PPP3CC: variants seen among roughly 807,000 people sequenced by gnomAD.
The protein encoded by PPP3CC is protein phosphatase 3 catalytic subunit gamma.
In PPP3CC, 35 loss-of-function variants were observed where a neutral mutation model predicts 60.3. The observed-to-expected ratio is 0.58, with a 90% CI of 0.44 to 0.77. The LOEUF is 0.77. PPP3CC is among the 30% of genes least tolerant of loss of function. The probability of loss-of-function intolerance (pLI) is 0.00; values close to 1 mark genes in which losing one functional copy is unlikely to be tolerated. For missense variants in PPP3CC, 570 were observed against 628.9 expected (o/e 0.91, Z 1.00); for synonymous variants, 206 against 224.3 (o/e 0.92, Z 0.73).
intron 3 of PPP3CC, among the ~76,000 whole-genome samples, chr8:22,488,416 C>T (rs1838287677): frequency 6.6e-6 from 1 of 152,186 alleles, no homozygotes; most frequent in Non-Finnish European, 1.5e-5. Context: ...TTTAGATGCA[C>T]TCATAATTAC....
chr8:22,484,301 A>T (rs1838159318), intron 3 of PPP3CC, among the ~76,000 whole-genome samples: 1 of 152,162 alleles, frequency 6.6e-6, no homozygotes, highest in Non-Finnish European at 1.5e-5. Context: ...CTGGCTGACT[A>T]TATGAGATTT....
intron 3 of PPP3CC, among the ~76,000 whole-genome samples, chr8:22,495,275 A>G (rs1353391088): frequency 6.6e-6 from 1 of 152,094 alleles, no homozygotes; most frequent in Non-Finnish European, 1.5e-5. Context: ...ATCTAAAAAT[A>G]TATCTTGGAA....
Position 22,522,644 on chromosome 8 carries a change from C to A in PPP3CC, c.849-11C>A. ...AATATGCAGACAGATGGACTTTCAT[C>A]TCTTTTTCAGGTATCGAATGTACAG... On this transcript the variant is annotated splice_polypyrimidine_tract_variant and intron_variant, in intron 7 of 13. Transcript: ENST00000240139. 6.3e-7 allele frequency: 1 copy of A among 1,596,472 alleles called. No homozygotes were observed. The highest frequency in any genetic ancestry group is 8.6e-7 in the Non-Finnish European group (1 of 1,166,670).
chr8:22,538,558 C>T (rs1839894162), intron 12 of PPP3CC, among the ~76,000 whole-genome samples: 1 of 152,146 alleles, frequency 6.6e-6, no homozygotes, highest in African/African-American at 2.4e-5. Flanking sequence ...GCTCATTATT[C>T]TTCACTGCCT....
rs369935824 is a variant in PPP3CC, at chr8:22,445,618, A to G, written c.49+4160A>G. On this transcript the variant is annotated intron_variant, in intron 1 of 13. Transcript: ENST00000240139. Reference sequence around the variant, plus strand: ...ATTGTAATTTTACCTAAATATTTCCATAATGGTTTCAATCAGCATGGAAAT... The same window carrying G: ...ATTGTAATTTTACCTAAATATTTCCGTAATGGTTTCAATCAGCATGGAAAT... Among the ~76,000 whole-genome samples, 12 of 152,336 alleles carry G rather than the reference A, an allele frequency of 7.9e-5. No homozygotes were observed. The Middle Eastern group carries it at 0.01, about 130-fold the overall frequency.
chr8:22,532,845 C>T, intron 11 of PPP3CC, 76 bp from the exon 12 acceptor site: 1 of 1,015,276 alleles, frequency 9.8e-7, no homozygotes, highest in Non-Finnish European at 1.4e-6. Context: ...TGTCTTTCTT[C>T]ACTTCCTTCA....
At chr8:22,529,963 C>G (rs1167386612) in intron 10 of PPP3CC, among the ~76,000 whole-genome samples, 1 of 152,190 alleles carries the variant, frequency 6.6e-6, no homozygotes, top group African/African-American at 2.4e-5. Context: ...CATCCAAGCA[C>G]AAACCGGCCT....
intron 6 of PPP3CC, among the ~76,000 whole-genome samples, chr8:22,519,013 A>G (rs1341464016): frequency 1.3e-5 from 2 of 151,918 alleles, no homozygotes; most frequent in African/African-American, 2.4e-5. Flanking sequence ...ATTACTGTCA[A>G]TGTTTGCCTT....
chr8:22,441,370 T>G lies in PPP3CC; in HGVS notation c.-40T>G, dbSNP rs574371990. 13 of 1,515,342 alleles carry G rather than the reference T, an allele frequency of 8.6e-6. No individual in the cohort carries two copies. The highest frequency in any genetic ancestry group is 1.8e-4 in the Middle Eastern group (1 of 5,562). 93.9% of individuals were successfully genotyped at this position (1,515,342 alleles called of 1,614,324 possible). On this transcript the variant is annotated 5_prime_UTR_variant, in exon 1 of 14. Transcript: ENST00000240139. ...GCGGCGGCCGCGGCGTAGGCGCACG[T>G]CCGGCGGGCTCCTGGAGCCTGGAGG... is the stretch of plus-strand genomic sequence containing the variant.
chr8:22,510,265 A>G (rs1839048175), intron 4 of PPP3CC, among the ~76,000 whole-genome samples: 1 of 151,510 alleles, frequency 6.6e-6, no homozygotes, highest in African/African-American at 2.4e-5. Flanking sequence ...CCCCGACCTC[A>G]GCCTTCCAAA....
intron 5 of PPP3CC, among the ~76,000 whole-genome samples, chr8:22,511,824 G>A (rs1173221222): frequency 3.3e-5 from 5 of 152,154 alleles, no homozygotes; most frequent in African/African-American, 1.2e-4. Flanking sequence ...AAGGAAACCA[G>A]GGTTCTAATC....
intron 3 of PPP3CC, among the ~76,000 whole-genome samples, chr8:22,475,962 T>A (rs1283831652): frequency 6.6e-6 from 1 of 152,210 alleles, no homozygotes; most frequent in Admixed American, 6.5e-5. Flanking sequence ...TTAGCTGACC[T>A]TAATTATAAG....
intron 10 of PPP3CC, among the ~76,000 whole-genome samples, chr8:22,530,585 C>T (rs1468945482): frequency 6.6e-6 from 1 of 151,592 alleles, no homozygotes; most frequent in Non-Finnish European, 1.5e-5. Context: ...GTAATCTCAG[C>T]ACTTTGGGAG....
At chr8:22,443,173 T>C (rs981150918) in intron 1 of PPP3CC, among the ~76,000 whole-genome samples, 2 of 152,178 alleles carry the variant, frequency 1.3e-5, no homozygotes, top group Non-Finnish European at 2.9e-5. Flanking sequence ...TAAATGACCC[T>C]TAAATATAGT....
chr8:22,525,446 TTC>T (rs148760690), intron 8 of PPP3CC, among the ~76,000 whole-genome samples: 15 of 151,672 alleles, frequency 9.9e-5, no homozygotes, highest in South Asian at 6.3e-4. Context: ...TTCTCTCTCT[TTC>T]TCTCTCTCTT....
intron 1 of PPP3CC, among the ~76,000 whole-genome samples, chr8:22,468,829 A>G (rs762164389): frequency 6.6e-6 from 1 of 152,188 alleles, no homozygotes; most frequent in South Asian, 2.1e-4. Flanking sequence ...TTTTAGTCTC[A>G]TATGCTCGCA....
intron 1 of PPP3CC, among the ~76,000 whole-genome samples, chr8:22,466,044 G>T (rs1837511642): frequency 6.6e-6 from 1 of 151,898 alleles, no homozygotes; most frequent in African/African-American, 2.4e-5. Flanking sequence ...GTGTCCATGT[G>T]ATCTCATTGT....
chr8:22,518,689 T>C (rs1162179633), intron 6 of PPP3CC, among the ~76,000 whole-genome samples: 2 of 152,036 alleles, frequency 1.3e-5, no homozygotes, highest in Non-Finnish European at 2.9e-5. Flanking sequence ...TTACTTGCTA[T>C]TATTATTATT....
chr8:22,513,862 G>C (rs956604523), intron 6 of PPP3CC, among the ~76,000 whole-genome samples: 1 of 152,156 alleles, frequency 6.6e-6, no homozygotes, highest in East Asian at 1.9e-4. Context: ...AAAAAGAACA[G>C]GACATTGTGA....
Sources: gnomAD v4.1 joint callset for allele counts (sites outside exome capture counted in the v4.1 genomes callset) on GRCh38, gnomAD v4.1.1 for gene constraint, MANE v1.5 for transcripts, NCBI Gene and HGNC (gene_info 2026-07-23, HGNC 2026-07-21) for gene names.